The following TRERF1 variants were observed in gnomAD, a reference collection of about 807,000 sequenced individuals.
The protein encoded by TRERF1 is transcriptional-regulating factor 1.
In TRERF1, 27 loss-of-function variants were observed where a neutral mutation model predicts 122.9. The observed-to-expected ratio is 0.22, with a 90% CI of 0.16 to 0.30. The LOEUF (loss-of-function observed/expected upper bound fraction) is 0.30. Ranked by LOEUF, TRERF1 falls within the 10% of genes least tolerant of loss-of-function variation. The pLI, the probability that TRERF1 is intolerant of heterozygous loss-of-function variation, is 1.00. For missense variants in TRERF1, 1,248 were observed against 1,560.3 expected, an observed-to-expected ratio of 0.80 and a Z score of 3.37; for synonymous variants, 636 against 641.7, an observed-to-expected ratio of 0.99 and a Z score of 0.13.
rs116205856 is a variant in TRERF1 at position 42,275,497 on chromosome 6, C to T, written c.-258-5649G>A. Reference sequence around the variant, plus strand: ...ATGTCACAGTCAGGCGACCCACTTCCGTGCCTGTCTGCACACTGGCTGCCC... The same window carrying T: ...ATGTCACAGTCAGGCGACCCACTTCTGTGCCTGTCTGCACACTGGCTGCCC... On this transcript the variant is annotated intron_variant, in intron 4 of 17. Transcript: ENST00000372922. The surrounding 1 kb of genome is among the most constrained non-coding windows in gnomAD (Gnocchi z 4.1). 0.012 allele frequency among the ~76,000 whole-genome samples: 1,801 copies of T among 152,338 alleles called. 40 individuals carry two copies. Among genetic ancestry groups the T allele is most frequent in the African/African-American group, 0.04 (1,661 of 41,570 alleles).
chr6:42,270,193 CTCTG>C lies in TRERF1; in HGVS notation c.-258-349_-258-346del, dbSNP rs1375605661. On this transcript the variant is annotated intron_variant, in intron 4 of 17. Coordinates refer to ENST00000372922, the Ensembl canonical transcript of TRERF1. The stretch of plus-strand genomic sequence containing the variant: ...AGCATAAAACCGCACCTCTCTCTCT[CTCTG>C]TGTGTGTGTATATATATATATGAAA... Among the ~76,000 whole-genome samples the C allele has an allele frequency of 2.6e-5, 4 of 151,624 alleles. No homozygotes were observed. The East Asian group carries it at 7.8e-4, about 29-fold the overall frequency.
intron 2 of TRERF1, among the ~76,000 whole-genome samples, chr6:42,365,386 A>T (rs1460694030): frequency 6.6e-6 from 1 of 152,112 alleles, no homozygotes; most frequent in African/African-American, 2.4e-5. Context: ...AAGTTCCTAA[A>T]GCTGAATTCA....
In TRERF1 at chr6:42,228,176, T is replaced by C; in HGVS notation, c.*169A>G. On this transcript the variant is annotated 3_prime_UTR_variant, in exon 18 of 18. Coordinates refer to ENST00000372922, the Ensembl canonical transcript of TRERF1. The surrounding 1 kb of genome is among the most constrained non-coding windows in gnomAD (Gnocchi z 4.2). Reference sequence around the variant, plus strand: ...CAACCCCCCACAAAAACAAATTTTTTTAAATAAAAGGAAAAGAAATAGGAT... The same window carrying C: ...CAACCCCCCACAAAAACAAATTTTTCTAAATAAAAGGAAAAGAAATAGGAT... The C allele has an allele frequency of 1.6e-6, 1 of 615,564 alleles. No homozygotes were observed. Among genetic ancestry groups the C allele is most frequent in the Non-Finnish European group, 2.5e-6 (1 of 393,032 alleles). The allele number at this position is 615,564 out of a possible 1,614,324, so 38.1% of individuals were successfully genotyped here. A position where few individuals can be genotyped will look rare whatever the true frequency, so the allele number is the denominator to read the frequency against.
rs1220172952 is a variant in TRERF1, at chr6:42,276,778, G to A, written c.-258-6930C>T. Among the ~76,000 whole-genome samples, 1 of 152,138 alleles carries A rather than the reference G, an allele frequency of 6.6e-6. No homozygotes were observed. Among genetic ancestry groups the A allele is most frequent in the Admixed American group, 6.5e-5 (1 of 15,278 alleles). On this transcript the variant is annotated intron_variant, in intron 4 of 17. Coordinates refer to ENST00000372922, the Ensembl canonical transcript of TRERF1. The surrounding 1 kb of genome is among the most constrained non-coding windows in gnomAD (Gnocchi z 4.3). ...CAGCCCTGGCTTTCCTGCTGACTCT[G>A]GGCTGTGGGAGGATTTTCAAGGCTC... is the stretch of plus-strand genomic sequence containing the variant.
chr6:42,266,927 C>T (rs1779301901), intron 5 of TRERF1, among the ~76,000 whole-genome samples: 1 of 152,194 alleles, frequency 6.6e-6, no homozygotes, highest in Non-Finnish European at 1.5e-5. Context: ...TGTCTCATAC[C>T]AGACAGTTTT....
At chr6:42,444,988 G>C (rs895874314) in intron 2 of TRERF1, among the ~76,000 whole-genome samples, 6 of 152,054 alleles carry the variant, frequency 3.9e-5, no homozygotes, top group South Asian at 2.1e-4. Flanking sequence ...CCAAATTCAG[G>C]GCCTGGTGCA....
intron 2 of TRERF1, among the ~76,000 whole-genome samples, chr6:42,388,890 A>C (rs780968143): frequency 5.3e-5 from 8 of 152,232 alleles, no homozygotes; most frequent in Admixed American, 2.0e-4. Flanking sequence ...ATGAAACCAC[A>C]GGAAGGCAGG....
intron 4 of TRERF1, among the ~76,000 whole-genome samples, chr6:42,299,200 T>TTCTAACTATCTATCTATCTA (rs141614465): frequency 6.8e-6 from 1 of 146,598 alleles, no homozygotes; most frequent in African/African-American, 2.5e-5. Context: ...GTCTGTTTTT[T>TTCTAACTATCTATCTATCTA]TCTATCTATC....
chr6:42,299,136 A>AT (rs11404004), intron 4 of TRERF1, among the ~76,000 whole-genome samples: 2,657 of 141,842 alleles, frequency 0.019, 55 homozygotes, highest in Non-Finnish European at 0.021. Context: ...CTATCTATCT[A>AT]CATATATATA....
chr6:42,359,592 C>T (rs187230756), intron 3 of TRERF1, among the ~76,000 whole-genome samples: 293 of 152,250 alleles, frequency 1.9e-3, no homozygotes, highest in African/African-American at 6.4e-3. Context: ...GGCGCGGTGG[C>T]GTGCGCCTGC....
In TRERF1 at chr6:42,275,034, T is replaced by C. The variant is rs1305492056; in HGVS notation, c.-258-5186A>G. On this transcript the variant is annotated intron_variant, in intron 4 of 17. Coordinates refer to ENST00000372922, the Ensembl canonical transcript of TRERF1. The surrounding 1 kb of genome is among the most constrained non-coding windows in gnomAD (Gnocchi z 4.1). ...CTTATATATCCTCCTAGAGACACTT[T>C]ATGCTCATACAAGAACACTAATGCA... Among the ~76,000 whole-genome samples the C allele has an allele frequency of 1.3e-5, 2 of 152,234 alleles. No homozygotes were observed. Among genetic ancestry groups the C allele is most frequent in the South Asian group, 2.1e-4 (1 of 4,834 alleles).
chr6:42,305,320 A>G lies in TRERF1; in HGVS notation c.-370-4571T>C, dbSNP rs746874344. On this transcript the variant is annotated intron_variant, in intron 3 of 17. Coordinates refer to ENST00000372922, the Ensembl canonical transcript of TRERF1. ...GTGTGACTTTCCAAGGACCTGTCAC[A>G]TCCACCATGCCACCAAGCAAGGCCA... 5.3e-5 allele frequency among the ~76,000 whole-genome samples: 8 copies of G among 152,174 alleles called. 1 individual carries two copies. Among genetic ancestry groups the G allele is most frequent in the Non-Finnish European group, 1.5e-5 (1 of 68,032 alleles).
chr6:42,268,339 C>T lies in TRERF1; in HGVS notation c.1252G>A (p.Ala418Thr), dbSNP rs553792060. 6.6e-7 allele frequency: 1 copy of T among 1,521,978 alleles called. No individual in the cohort carries two copies. Among genetic ancestry groups the T allele is most frequent in the African/African-American group, 1.4e-5 (1 of 71,882 alleles). 94.3% of individuals were successfully genotyped at this position (1,521,978 alleles called of 1,614,324 possible). ...AGGTCCCCATGGGAGCTCAGCATGG[C>T]CTGGGCCTGTCTGTCACTAGAGTAG... The change falls in exon 5 of 18, where the codon GCC (alanine) becomes ACC (threonine). Residue 418 changes from alanine to threonine, a missense_variant. Around this residue, in one of 5 missense-constraint regions of TRERF1, gnomAD observed 946 missense variants for 1,073.0 expected, o/e 0.88. Transcript: ENST00000372922. This position sits in a 1 kb window ranked among gnomAD's most constrained non-coding sequence, Gnocchi z 4.4.
At chr6:42,442,539 T>G (rs900390100) in intron 2 of TRERF1, among the ~76,000 whole-genome samples, 25 of 152,218 alleles carry the variant, frequency 1.6e-4, no homozygotes, top group African/African-American at 5.8e-4. Context: ...AGGACACAGA[T>G]GGCAAATAGC....
At chr6:42,295,636 G>A (rs1168269914) in intron 4 of TRERF1, among the ~76,000 whole-genome samples, 1 of 152,150 alleles carries the variant, frequency 6.6e-6, no homozygotes, top group Admixed American at 6.6e-5. Flanking sequence ...GACCATTGAA[G>A]GGCATCGTGT....
chr6:42,435,811 C>CA (rs59595247), intron 2 of TRERF1, among the ~76,000 whole-genome samples: 37,810 of 142,184 alleles, frequency 0.27, 5,512 homozygotes, highest in Admixed American at 0.36. Context: ...CCGTCTTTAC[C>CA]AAAAAAAAAA....
intron 2 of TRERF1, among the ~76,000 whole-genome samples, chr6:42,371,785 T>C (rs1328571715): frequency 6.6e-6 from 1 of 152,176 alleles, no homozygotes; most frequent in Non-Finnish European, 1.5e-5. Context: ...CCCCCCACAT[T>C]GTGCTTGTAT....
intron 3 of TRERF1, among the ~76,000 whole-genome samples, chr6:42,327,783 T>C (rs1038466137): frequency 3.3e-5 from 5 of 151,944 alleles, no homozygotes; most frequent in Non-Finnish European, 1.5e-5. Flanking sequence ...GGATGCACCA[T>C]TGGAGCAAGA....
At chr6:42,374,896 A>G (rs1254202944) in intron 2 of TRERF1, among the ~76,000 whole-genome samples, 1 of 151,528 alleles carries the variant, frequency 6.6e-6, no homozygotes, top group African/African-American at 2.4e-5. Context: ...CTGTGGTCCC[A>G]GCTATTCAGG....
Sources: gnomAD v4.1 joint callset for allele counts (sites outside exome capture counted in the v4.1 genomes callset) on GRCh38, gnomAD v4.1.1 for gene constraint, gnomAD v4.1.1 regional missense constraint, Gnocchi (gnomAD v3.1) non-coding constraint, MANE v1.5 for transcripts, NCBI Gene and HGNC (gene_info 2026-07-23, HGNC 2026-07-21) for gene names.